Variants in WWOX observed in about 807,000 individuals in gnomAD.
WWOX encodes WW domain-containing oxidoreductase.
In WWOX, 69 loss-of-function variants were observed where a neutral mutation model predicts 46.2. The ratio of observed to expected loss-of-function variants is 1.49; its 90% CI spans 1.23 to 1.82. The LOEUF (loss-of-function observed/expected upper bound fraction) is 1.82, where lower values mean the gene tolerates loss of function less well. WWOX is among the 40% of genes most tolerant of loss of function. The probability of loss-of-function intolerance (pLI) is 0.00; values close to 1 mark genes in which losing one functional copy is unlikely to be tolerated. For synonymous variants in WWOX, 359 were observed against 202.6 expected, an observed-to-expected ratio of 1.77 and a Z score of -6.56; for missense variants, 919 against 542.6, an observed-to-expected ratio of 1.69 and a Z score of -6.89.
intron 5 of WWOX, among the ~76,000 whole-genome samples, chr16:78,362,166 G>A (rs1276202360): frequency 2.0e-5 from 3 of 151,954 alleles, no homozygotes; most frequent in Non-Finnish European, 4.4e-5. Flanking sequence ...AACAGTTGAA[G>A]GTCTGCTGTT....
intron 8 of WWOX, among the ~76,000 whole-genome samples, chr16:78,836,532 A>C (rs1392490059): frequency 6.6e-6 from 1 of 152,140 alleles, no homozygotes; most frequent in Admixed American, 6.5e-5. Flanking sequence ...CATGTTTAGT[A>C]AGTCATCTAT....
chr16:78,604,597 A>G (rs569313114), intron 8 of WWOX, among the ~76,000 whole-genome samples: 2 of 152,080 alleles, frequency 1.3e-5, no homozygotes, highest in South Asian at 2.1e-4. Context: ...GGATTCTATT[A>G]TTTACCCTTT....
intron 8 of WWOX, among the ~76,000 whole-genome samples, chr16:78,842,128 C>T (rs1041162888): frequency 6.6e-6 from 1 of 152,100 alleles, no homozygotes; most frequent in Non-Finnish European, 1.5e-5. Context: ...AGCAATGTAT[C>T]TCTTAAAGTA....
At position 79,197,551 on chromosome 16, in the gene WWOX, G is replaced by A. The variant is rs1056279777; in HGVS notation, c.1057-14057G>A. On this transcript the variant is annotated intron_variant, in intron 8 of 8. Coordinates refer to ENST00000566780, the MANE Select transcript of WWOX (RefSeq NM_016373.4). ...TGCTTTTTGTAGACATGTCCTTTAAGCAAAGCAATTCATGGGAAAGTAAAT... is the reference window on the plus strand; with the variant it reads ...TGCTTTTTGTAGACATGTCCTTTAAACAAAGCAATTCATGGGAAAGTAAAT... Among the ~76,000 whole-genome samples the A allele has an allele frequency of 1.3e-4, 19 of 151,952 alleles. No homozygotes were observed. The East Asian group carries it at 2.9e-3, about 23-fold the overall frequency.
chr16:78,385,035 G>A (rs981643906), intron 5 of WWOX, among the ~76,000 whole-genome samples: 1 of 152,086 alleles, frequency 6.6e-6, no homozygotes, highest in South Asian at 2.1e-4. Context: ...TCGGGAGGCT[G>A]AGGCAGGAGA....
At chr16:78,365,311 A>G (rs1307592665) in intron 5 of WWOX, among the ~76,000 whole-genome samples, 2 of 152,152 alleles carry the variant, frequency 1.3e-5, no homozygotes, top group African/African-American at 4.8e-5. Context: ...GCCGTGAGCC[A>G]GCTGTTGGTT....
intron 8 of WWOX, among the ~76,000 whole-genome samples, chr16:78,789,976 C>T (rs1038779189): frequency 1.3e-5 from 2 of 152,172 alleles, no homozygotes; most frequent in Non-Finnish European, 2.9e-5. Flanking sequence ...CTCAGTTTCC[C>T]TGACTATAAA....
At chr16:78,675,118 C>T (rs1011453859) in intron 8 of WWOX, among the ~76,000 whole-genome samples, 2 of 152,112 alleles carry the variant, frequency 1.3e-5, no homozygotes, top group African/African-American at 2.4e-5. Context: ...CATAGATGAT[C>T]GGATCCTCAT....
chr16:79,050,897 A>G (rs1333272967), intron 8 of WWOX, among the ~76,000 whole-genome samples: 3 of 152,230 alleles, frequency 2.0e-5, no homozygotes, highest in Admixed American at 2.0e-4. Flanking sequence ...GCATTCATCA[A>G]TATAAGCCCC....
At chr16:78,553,524 G>C (rs915424013) in intron 8 of WWOX, among the ~76,000 whole-genome samples, 1 of 152,096 alleles carries the variant, frequency 6.6e-6, no homozygotes, top group Non-Finnish European at 1.5e-5. Context: ...CATTTGAACT[G>C]TGGTTACCAG....
chr16:79,038,832 G>GAGGC (rs1555516409), intron 8 of WWOX, among the ~76,000 whole-genome samples: 1 of 152,140 alleles, frequency 6.6e-6, no homozygotes, highest in African/African-American at 2.4e-5. Flanking sequence ...TTACAAGCAT[G>GAGGC]AGCCACTGTG....
At chr16:79,063,985 C>G (rs775124908) in intron 8 of WWOX, among the ~76,000 whole-genome samples, 4 of 152,176 alleles carry the variant, frequency 2.6e-5, no homozygotes, top group African/African-American at 4.8e-5. Context: ...CTGGAGATGA[C>G]TCTAGCCAGG....
chr16:78,204,299 T>C (rs556934546), intron 5 of WWOX, among the ~76,000 whole-genome samples: 2 of 152,308 alleles, frequency 1.3e-5, no homozygotes, highest in African/African-American at 4.8e-5. Flanking sequence ...TAGTAGGTGC[T>C]TATATTTGTG....
intron 8 of WWOX, among the ~76,000 whole-genome samples, chr16:79,129,232 T>C (rs2049825333): frequency 6.6e-6 from 1 of 151,532 alleles, no homozygotes; most frequent in Non-Finnish European, 1.5e-5. Flanking sequence ...GGGCCTAGGA[T>C]TGGAAAACCT....
chr16:79,174,050 G>A (rs75166747), intron 8 of WWOX, among the ~76,000 whole-genome samples: 4,505 of 152,260 alleles, frequency 0.03, 233 homozygotes, highest in African/African-American at 0.1. Flanking sequence ...ATTGTAAGTG[G>A]TGCTCACATA....
intron 8 of WWOX, among the ~76,000 whole-genome samples, chr16:79,128,868 C>T (rs2049816486): frequency 6.6e-6 from 1 of 152,252 alleles, no homozygotes; most frequent in East Asian, 1.9e-4. Flanking sequence ...GATTCAGTTG[C>T]CCAAGCAGTA....
chr16:79,001,714 G>A (rs112266411), intron 8 of WWOX, among the ~76,000 whole-genome samples: 3,758 of 151,956 alleles, frequency 0.025, 64 homozygotes, highest in Middle Eastern at 0.045. Flanking sequence ...CATGAAGGGA[G>A]GGGAGAGAGG....
At chr16:78,924,449 G>A (rs1025111902) in intron 8 of WWOX, among the ~76,000 whole-genome samples, 3 of 152,088 alleles carry the variant, frequency 2.0e-5, no homozygotes, top group Non-Finnish European at 2.9e-5. Flanking sequence ...TCCCAGCTTT[G>A]GAGTTAAAAT....
At chr16:78,879,434 A>T (rs1363718903) in intron 8 of WWOX, among the ~76,000 whole-genome samples, 1 of 152,026 alleles carries the variant, frequency 6.6e-6, no homozygotes, top group Non-Finnish European at 1.5e-5. Flanking sequence ...TCCACATCTC[A>T]TACTTTTTCA....
Sources: allele counts gnomAD v4.1 joint callset (sites outside exome capture counted in the v4.1 genomes callset), GRCh38; gene constraint gnomAD v4.1.1; transcripts MANE v1.5; gene names NCBI Gene and HGNC (gene_info 2026-07-23, HGNC 2026-07-21).